NCKAP5: variants seen among roughly 807,000 people sequenced by gnomAD.
NCKAP5 encodes NCK associated protein 5.
In NCKAP5, 92 loss-of-function variants were observed where a neutral mutation model predicts 167.0. The ratio of observed to expected loss-of-function variants is 0.55; its 90% CI spans 0.47 to 0.66. The LOEUF (loss-of-function observed/expected upper bound fraction) is 0.66. NCKAP5 is among the 30% of genes least tolerant of loss of function. The pLI, the probability that NCKAP5 is intolerant of heterozygous loss-of-function variation, is 0.00. For synonymous variants in NCKAP5, 891 were observed against 877.4 expected (o/e 1.02, Z -0.27); for missense variants, 2,378 against 2,315.0 (o/e 1.03, Z -0.56).
At chr2:133,469,205 G>A (rs965541668) in intron 3 of NCKAP5, among the ~76,000 whole-genome samples, 52 of 152,016 alleles carry the variant, frequency 3.4e-4, no homozygotes, top group African/African-American at 1.1e-3. Context: ...GGGCAGGCCT[G>A]GTGGTGACAA....
intron 3 of NCKAP5, among the ~76,000 whole-genome samples, chr2:133,324,215 G>A (rs1212858328): frequency 3.9e-5 from 6 of 152,236 alleles, no homozygotes; most frequent in African/African-American, 9.6e-5. Flanking sequence ...TGTGCAAACA[G>A]ATGCATTCTA....
intron 11 of NCKAP5, among the ~76,000 whole-genome samples, chr2:132,811,993 C>T (rs1685912663): frequency 6.6e-6 from 1 of 152,160 alleles, no homozygotes; most frequent in Non-Finnish European, 1.5e-5. Context: ...TCTAAATTGA[C>T]TCAGCTCCAG....
chr2:133,632,250 G>A, the NCKAP5 span, among the ~76,000 whole-genome samples: 3 of 152,148 alleles, frequency 2.0e-5, no homozygotes, highest in Admixed American at 6.5e-5. Flanking sequence ...TGAGCATTCT[G>A]GCAACTACAT....
chr2:132,965,904 T>TGTGTGTG (rs564718652), intron 7 of NCKAP5, among the ~76,000 whole-genome samples: 1 of 140,870 alleles, frequency 7.1e-6, no homozygotes, highest in African/African-American at 2.6e-5. Flanking sequence ...ACATGACTCT[T>TGTGTGTG]TGTGTGTGTG....
intron 3 of NCKAP5, among the ~76,000 whole-genome samples, chr2:133,308,853 G>C (rs1465788051): frequency 2.7e-5 from 4 of 149,496 alleles, no homozygotes; most frequent in African/African-American, 9.8e-5. Context: ...TGGGATTACA[G>C]GCGCCCGCCA....
At chr2:133,516,845 T>C (rs537956980) in intron 3 of NCKAP5, among the ~76,000 whole-genome samples, 6 of 152,364 alleles carry the variant, frequency 3.9e-5, no homozygotes, top group African/African-American at 1.4e-4. Flanking sequence ...GACCCACACA[T>C]GTTGGCCCAG....
chr2:133,259,547 A>T (rs1364913007), intron 4 of NCKAP5, among the ~76,000 whole-genome samples: 1 of 152,194 alleles, frequency 6.6e-6, no homozygotes, highest in East Asian at 1.9e-4. Flanking sequence ...AAAATCTCAG[A>T]GTAATGTAAT....
In NCKAP5 at chr2:133,117,680, A is replaced by G. The variant is rs563522513; in HGVS notation, c.341+12298T>C. The G allele has an allele frequency of 1.8e-4, 28 of 152,358 alleles. No homozygotes were observed. The East Asian group carries it at 5.0e-3, about 27-fold the overall frequency. The allele number at this position is 152,358 out of a possible 1,614,324, so 9.4% of individuals were successfully genotyped here. On this transcript the variant is annotated intron_variant, in intron 6 of 19. Coordinates refer to ENST00000409261, the MANE Select transcript of NCKAP5 (RefSeq NM_207363.3). Reference sequence around the variant, plus strand: ...GTGTCATGCATATTGGAAGTACACTAAATATATTACTACTTCACTGGGGAC... The same window carrying G: ...GTGTCATGCATATTGGAAGTACACTGAATATATTACTACTTCACTGGGGAC...
chr2:133,434,887 A>G (rs1329492385), intron 3 of NCKAP5, among the ~76,000 whole-genome samples: 3 of 152,256 alleles, frequency 2.0e-5, no homozygotes, highest in African/African-American at 7.2e-5. Context: ...TCCAGGGTTC[A>G]GAGTATGCAC....
At chr2:132,932,936 T>TA (rs1696514932) in intron 8 of NCKAP5, among the ~76,000 whole-genome samples, 1 of 149,682 alleles carries the variant, frequency 6.7e-6, no homozygotes. Context: ...TTTTTTTTTT[T>TA]TTTTTTGAGA....
intron 3 of NCKAP5, among the ~76,000 whole-genome samples, chr2:133,502,527 A>C (rs1575069659): frequency 6.6e-6 from 1 of 152,164 alleles, no homozygotes; most frequent in East Asian, 1.9e-4. Flanking sequence ...CCTGAGATTC[A>C]TCCCAGTCTT....
intron 19 of NCKAP5, among the ~76,000 whole-genome samples, chr2:132,715,659 T>A (rs1303311463): frequency 6.6e-6 from 1 of 152,220 alleles, no homozygotes; most frequent in Non-Finnish European, 1.5e-5. Flanking sequence ...TAATCTGTGC[T>A]CTGTGTTACC....
chr2:133,655,207 C>T, the NCKAP5 span, among the ~76,000 whole-genome samples: 1 of 152,182 alleles, frequency 6.6e-6, no homozygotes, highest in Non-Finnish European at 1.5e-5. Context: ...TCCTAGTCTG[C>T]TCACTCTCCA....
chr2:133,577,055 A>T, the NCKAP5 span, among the ~76,000 whole-genome samples: 1 of 152,184 alleles, frequency 6.6e-6, no homozygotes, highest in African/African-American at 2.4e-5. Context: ...ATAGAAATGC[A>T]TTCCCAGAAG....
chr2:132,891,368 C>G (rs1692696971), intron 8 of NCKAP5, among the ~76,000 whole-genome samples: 1 of 152,196 alleles, frequency 6.6e-6, no homozygotes. Flanking sequence ...AGAGCTAGTG[C>G]TCAAGATGGA....
chr2:132,678,006 G>C (rs1054073715), intron 19 of NCKAP5, among the ~76,000 whole-genome samples: 7 of 151,862 alleles, frequency 4.6e-5, no homozygotes, highest in African/African-American at 1.7e-4. Flanking sequence ...ATTCACAGTA[G>C]TTTTTTTTAT....
At chr2:133,349,786 A>G (rs1006343106) in intron 3 of NCKAP5, among the ~76,000 whole-genome samples, 1 of 152,106 alleles carries the variant, frequency 6.6e-6, no homozygotes, top group East Asian at 1.9e-4. Context: ...CTTCCTTCCA[A>G]TGCCTCCATA....
intron 4 of NCKAP5, among the ~76,000 whole-genome samples, chr2:133,234,613 T>C (rs1008035953): frequency 2.0e-5 from 3 of 152,142 alleles, no homozygotes; most frequent in African/African-American, 7.2e-5. Context: ...ATAAAACTGT[T>C]CGCAGATTTT....
intron 6 of NCKAP5, among the ~76,000 whole-genome samples, chr2:133,036,432 C>T (rs2079043618): frequency 6.6e-6 from 1 of 151,960 alleles, no homozygotes. Flanking sequence ...AAATTAGTAG[C>T]AAACTGAATT....
Sources: gnomAD v4.1 joint callset for allele counts (sites outside exome capture counted in the v4.1 genomes callset) on GRCh38, gnomAD v4.1.1 for gene constraint, MANE v1.5 for transcripts, NCBI Gene and HGNC (gene_info 2026-07-23, HGNC 2026-07-21) for gene names.